Variants in DAPL1 observed in about 807,000 individuals in gnomAD.
DAPL1 encodes the protein death associated protein like 1.
DAPL1 carries 17 observed loss-of-function variants against 12.9 expected under a neutral mutation model. The ratio of observed to expected loss-of-function variants is 1.32; its 90% CI spans 0.90 to 1.98. The LOEUF (loss-of-function observed/expected upper bound fraction) is 1.98, where lower values mean the gene tolerates loss of function less well. Ranked by LOEUF, DAPL1 falls within the 30% of genes most tolerant of loss-of-function variation. The pLI is 0.00. For synonymous variants in DAPL1, 51 were observed against 42.0 expected, an observed-to-expected ratio of 1.21 and a Z score of -0.82; for missense variants, 157 against 125.7, an observed-to-expected ratio of 1.25 and a Z score of -1.19.
chr2:158,802,948 T>C (rs746941336), intron 1 of DAPL1, among the ~76,000 whole-genome samples: 1 of 152,200 alleles, frequency 6.6e-6, no homozygotes, highest in Non-Finnish European at 1.5e-5. Context: ...AAACACAGGA[T>C]GTTCATACAA....
At chr2:158,813,475 G>A (rs2059242651) in intron 3 of DAPL1, among the ~76,000 whole-genome samples, 1 of 151,996 alleles carries the variant, frequency 6.6e-6, no homozygotes, top group Admixed American at 6.5e-5. Context: ...CACCCTGGAG[G>A]TGATCAAATA....
Position 158,804,453 on chromosome 2 carries a change from C to A in DAPL1, c.146+84C>A, listed in dbSNP as rs1486457154. On this transcript the variant is annotated intron_variant, in intron 2 of 3. Transcript: ENST00000309950. ...GGAGTTATTTTAGGACAAACCAAGG[C>A]TCCCTATGCCTTTGGAGGCAGCCAG... 3.1e-6 allele frequency: 3 copies of A among 981,478 alleles called. No homozygotes were observed. The African/African-American group carries it at 4.9e-5, about 16-fold the overall frequency. The allele number at this position is 981,478 out of a possible 1,614,324, so 60.8% of individuals were successfully genotyped here. A position where few individuals can be genotyped will look rare whatever the true frequency, so the allele number is the denominator to read the frequency against.
intron 3 of DAPL1, among the ~76,000 whole-genome samples, chr2:158,808,840 A>T (rs530966334): frequency 6.6e-6 from 1 of 152,354 alleles, no homozygotes; most frequent in African/African-American, 2.4e-5. Context: ...GAAATAAAGT[A>T]TTGAAAAGGA....
At chr2:158,802,169 G>A (rs1044647200) in intron 1 of DAPL1, among the ~76,000 whole-genome samples, 2 of 152,182 alleles carry the variant, frequency 1.3e-5, no homozygotes, top group Non-Finnish European at 2.9e-5. Context: ...ATTCTAAACT[G>A]GTGCAACCTC....
chr2:158,813,169 T>G (rs1171462984), intron 3 of DAPL1, among the ~76,000 whole-genome samples: 1 of 152,050 alleles, frequency 6.6e-6, no homozygotes, highest in Non-Finnish European at 1.5e-5. Flanking sequence ...CTATGGGAGG[T>G]ACCCAAAGTA....
chr2:158,802,779 G>C (rs78765308), intron 1 of DAPL1, among the ~76,000 whole-genome samples: 1 of 152,054 alleles, frequency 6.6e-6, no homozygotes, highest in Non-Finnish European at 1.5e-5. Flanking sequence ...TCTGTGCCTC[G>C]CCTTGAATTT....
chr2:158,803,006 T>C (rs1211204281), intron 1 of DAPL1, among the ~76,000 whole-genome samples: 3 of 152,212 alleles, frequency 2.0e-5, no homozygotes, highest in African/African-American at 7.2e-5. Context: ...AGATGATATA[T>C]AGAGATATAG....
At chr2:158,795,501 G>C in intron 1 of DAPL1, 71 bp downstream of exon 1, 1 of 1,431,526 alleles carries the variant, frequency 7.0e-7, no homozygotes, top group Non-Finnish European at 9.6e-7. Context: ...CTTCCATGGA[G>C]CACCCCGACA....
chr2:158,798,921 G>A (rs945445244), intron 1 of DAPL1, among the ~76,000 whole-genome samples: 1 of 152,010 alleles, frequency 6.6e-6, no homozygotes, highest in Non-Finnish European at 1.5e-5. Context: ...ATTGTCCATG[G>A]ATTTGTGAAG....
At chr2:158,796,931 C>T (rs1460710176) in intron 1 of DAPL1, among the ~76,000 whole-genome samples, 1 of 152,162 alleles carries the variant, frequency 6.6e-6, no homozygotes, top group East Asian at 1.9e-4. Flanking sequence ...GAGATGAAGG[C>T]AGACTTTTGC....
chr2:158,798,400 A>T (rs1198876814), intron 1 of DAPL1, among the ~76,000 whole-genome samples: 3 of 152,246 alleles, frequency 2.0e-5, no homozygotes, highest in Non-Finnish European at 2.9e-5. Flanking sequence ...ACTTGGGGGC[A>T]TTGGAACAGG....
intron 3 of DAPL1, among the ~76,000 whole-genome samples, chr2:158,810,044 A>C (rs1402087484): frequency 2.0e-5 from 3 of 152,158 alleles, no homozygotes; most frequent in Admixed American, 2.0e-4. Flanking sequence ...ACTCATCTTG[A>C]TTGTGGTTGT....
At chr2:158,810,785 A>T (rs908403) in intron 3 of DAPL1, among the ~76,000 whole-genome samples, 119,556 of 152,100 alleles carry the variant, frequency 0.79, 47,059 homozygotes, top group Middle Eastern at 0.84. Context: ...GCAGAACACA[A>T]GACATGGTAT....
chr2:158,809,851 C>T (rs955129955), intron 3 of DAPL1, among the ~76,000 whole-genome samples: 1 of 152,098 alleles, frequency 6.6e-6, no homozygotes, highest in African/African-American at 2.4e-5. Context: ...TTCCATATAG[C>T]TAAGAAAAAT....
At chr2:158,798,670 A>C (rs1207866443) in intron 1 of DAPL1, among the ~76,000 whole-genome samples, 1 of 152,080 alleles carries the variant, frequency 6.6e-6, no homozygotes, top group Non-Finnish European at 1.5e-5. Flanking sequence ...TTGGAAAATG[A>C]AGCTGACCTC....
chr2:158,798,156 A>G (rs1191001948), intron 1 of DAPL1, among the ~76,000 whole-genome samples: 1 of 152,224 alleles, frequency 6.6e-6, no homozygotes, highest in East Asian at 1.9e-4. Context: ...GCACTTTTTA[A>G]TTGGGTCTAA....
At chr2:158,815,653 C>A in intron 3 of DAPL1, 52 bp from the exon 4 acceptor site, 1 of 1,127,762 alleles carries the variant, frequency 8.9e-7, no homozygotes, top group Non-Finnish European at 1.4e-6. Flanking sequence ...TTTAATATTT[C>A]ATGACCAAGA....
At chr2:158,799,656 C>T (rs540039213) in intron 1 of DAPL1, among the ~76,000 whole-genome samples, 1 of 152,182 alleles carries the variant, frequency 6.6e-6, no homozygotes, top group South Asian at 2.1e-4. Context: ...TTATCTTCCG[C>T]TTCTTTCTAC....
intron 3 of DAPL1, among the ~76,000 whole-genome samples, chr2:158,814,049 C>T (rs534931099): frequency 6.6e-6 from 1 of 152,284 alleles, no homozygotes; most frequent in Admixed American, 6.5e-5. Context: ...CCTTAACTGA[C>T]TTGTCACATT....
Sources: gnomAD v4.1 joint callset for allele counts (sites outside exome capture counted in the v4.1 genomes callset) on GRCh38, gnomAD v4.1.1 for gene constraint, MANE v1.5 for transcripts, NCBI Gene and HGNC (gene_info 2026-07-23, HGNC 2026-07-21) for gene names.